The following SEL1L3 variants were observed in gnomAD, a reference collection of about 807,000 sequenced individuals.
SEL1L3 encodes the protein protein sel-1 homolog 3.
In SEL1L3, 76 loss-of-function variants were observed where a neutral mutation model predicts 142.8. The ratio of observed to expected loss-of-function variants is 0.53; its 90% confidence interval spans 0.44 to 0.64. SEL1L3 has a LOEUF of 0.64. Ranked by LOEUF, SEL1L3 falls within the 30% of genes least tolerant of loss-of-function variation. The probability of loss-of-function intolerance (pLI) is 0.00; values close to 1 mark genes in which losing one functional copy is unlikely to be tolerated. For synonymous variants in SEL1L3, 504 were observed against 519.6 expected, an observed-to-expected ratio of 0.97 and a Z score of 0.41; for missense variants, 1,262 against 1,381.7, an observed-to-expected ratio of 0.91 and a Z score of 1.37.
intron 1 of SEL1L3, among the ~76,000 whole-genome samples, chr4:25,858,553 TTTG>T (rs1008097151): frequency 2.6e-5 from 4 of 151,566 alleles, no homozygotes; most frequent in Admixed American, 2.6e-4. Context: ...TTGTTGTTGT[TTTG>T]TTTTTGTTTT....
chr4:25,833,140 G>A (rs1353607294), intron 4 of SEL1L3, 30 bp from the exon 5 acceptor site: 1 of 1,263,728 alleles, frequency 7.9e-7, no homozygotes, highest in Non-Finnish European at 1.2e-6. Context: ...ACATGAAAAT[G>A]AGCAAAAAAT....
chr4:25,760,759 C>G (rs1416347549), intron 20 of SEL1L3, among the ~76,000 whole-genome samples: 1 of 152,152 alleles, frequency 6.6e-6, no homozygotes, highest in Non-Finnish European at 1.5e-5. Flanking sequence ...CATCGTATGT[C>G]GCAATCATGA....
intron 2 of SEL1L3, among the ~76,000 whole-genome samples, 185 bp from the exon 3 acceptor site, chr4:25,835,508 T>C (rs1715763125): frequency 6.6e-6 from 1 of 152,228 alleles, no homozygotes; most frequent in Non-Finnish European, 1.5e-5. Context: ...AGAGACCATG[T>C]CAATTACTTT....
At chr4:25,797,653 G>A (rs941060564) in intron 11 of SEL1L3, among the ~76,000 whole-genome samples, 4 of 152,100 alleles carry the variant, frequency 2.6e-5, no homozygotes, top group African/African-American at 9.7e-5. Flanking sequence ...GGGTCCCCTC[G>A]AAAAGCACCA....
Position 25,831,491 on chromosome 4 carries a change from A to AAAT in SEL1L3, c.1099-1338_1099-1336dup, listed in dbSNP as rs1174295839. On this transcript the variant is annotated intron_variant, in intron 5 of 23. Coordinates refer to ENST00000399878, the MANE Select transcript of SEL1L3 (RefSeq NM_015187.5). The stretch of plus-strand genomic sequence containing the variant: ...AATCATCTGGCAATTAATTATTTTT[A>AAAT]AATAATAATAATAATAATAATTATT... 5.5e-3 allele frequency among the ~76,000 whole-genome samples: 747 copies of AAAT among 134,798 alleles called. 18 individuals are homozygous for AAAT. Among genetic ancestry groups the AAAT allele is most frequent in the Admixed American group, 0.032 (415 of 13,160 alleles). 88.4% of individuals were successfully genotyped at this position (134,798 alleles called of 152,430 possible). A position where few individuals can be genotyped will look rare whatever the true frequency, so the allele number is the denominator to read the frequency against.
intron 1 of SEL1L3, among the ~76,000 whole-genome samples, chr4:25,858,567 TTTTG>T (rs1418951609): frequency 6.6e-6 from 1 of 151,610 alleles, no homozygotes; most frequent in African/African-American, 2.4e-5. Context: ...TTTTTGTTTT[TTTTG>T]ATTTTTTTGT....
At chr4:25,852,840 A>G (rs6853938) in intron 1 of SEL1L3, among the ~76,000 whole-genome samples, 42,078 of 152,078 alleles carry the variant, frequency 0.28, 10,149 homozygotes, top group African/African-American at 0.66. Context: ...AGTAGGGATA[A>G]GGGGTGTCAG....
intron 19 of SEL1L3, among the ~76,000 whole-genome samples, chr4:25,765,774 G>A (rs1032344472): frequency 6.6e-6 from 1 of 152,036 alleles, no homozygotes; most frequent in African/African-American, 2.4e-5. Flanking sequence ...ATGTAGCTGG[G>A]ATTACAGGAG....
intron 13 of SEL1L3, among the ~76,000 whole-genome samples, chr4:25,785,746 A>G (rs1711774173): frequency 6.6e-6 from 1 of 152,182 alleles, no homozygotes; most frequent in Non-Finnish European, 1.5e-5. Flanking sequence ...AGCTTTCTGG[A>G]CTTCTGGAAA....
intron 1 of SEL1L3, among the ~76,000 whole-genome samples, chr4:25,848,322 C>T (rs1716673137): frequency 6.6e-6 from 1 of 152,178 alleles, no homozygotes; most frequent in Admixed American, 6.5e-5. Context: ...AGTGCACCCT[C>T]GAGGGAACAT....
At chr4:25,738,046 C>T in the SEL1L3 span, among the ~76,000 whole-genome samples, 1 of 152,110 alleles carries the variant, frequency 6.6e-6, no homozygotes, top group Admixed American at 6.6e-5. Context: ...CGTGCCGCCA[C>T]ACCTGCCTAA....
rs994894185 is a variant in SEL1L3, at chr4:25,757,883, T to C, written c.3084-93A>G. On this transcript the variant is annotated intron_variant, in intron 21 of 23. Transcript: ENST00000399878. ...TTTCAGATCCACAAACCTACATTCT[T>C]CTGCTTTTGGACAAATGAGCACACT... 11 of 859,296 alleles carry C rather than the reference T, an allele frequency of 1.3e-5. No individual in the cohort carries two copies. In the African/African-American group the frequency reaches 1.8e-4, roughly 14 times the overall value. The allele number at this position is 859,296 out of a possible 1,614,324, so 53.2% of individuals were successfully genotyped here. A position where few individuals can be genotyped will look rare whatever the true frequency, so the allele number is the denominator to read the frequency against.
At chr4:25,735,711 A>AT in the SEL1L3 span, among the ~76,000 whole-genome samples, 5 of 127,874 alleles carry the variant, frequency 3.9e-5, no homozygotes, top group South Asian at 2.4e-4. Context: ...AAAATATTTT[A>AT]TTTTTTTTTC....
intron 16 of SEL1L3, chr4:25,776,640 C>T: frequency 2.9e-6 from 1 of 342,636 alleles, no homozygotes; most frequent in Non-Finnish European, 5.5e-6. Flanking sequence ...AAAATATAAT[C>T]TCTACCAAGA....
intron 15 of SEL1L3, among the ~76,000 whole-genome samples, chr4:25,779,657 T>A (rs751694588): frequency 1.3e-5 from 2 of 152,190 alleles, no homozygotes; most frequent in Non-Finnish European, 2.9e-5. Context: ...CTCACAGATG[T>A]CTTGGGAGGG....
Position 25,862,252 on chromosome 4 carries a change from G to GC in SEL1L3, c.162+422_162+423insG, listed in dbSNP as rs1472780302. 4 of 152,564 alleles carry GC rather than the reference G, an allele frequency of 2.6e-5. No homozygotes were observed. The East Asian group carries it at 7.7e-4, about 29-fold the overall frequency. 9.5% of individuals were successfully genotyped at this position (152,564 alleles called of 1,614,324 possible). ...GCGCCGAGAGTAAGAGGCGAAGTTG[G>GC]GCACGGGAAGGAAAGGAGCTGCGAG... On this transcript the variant is annotated intron_variant, in intron 1 of 23. Coordinates refer to ENST00000399878, the MANE Select transcript of SEL1L3 (RefSeq NM_015187.5).
At chr4:25,801,572 T>C (rs1713185276) in intron 11 of SEL1L3, among the ~76,000 whole-genome samples, 1 of 152,222 alleles carries the variant, frequency 6.6e-6, no homozygotes, top group African/African-American at 2.4e-5. Context: ...TCAGTTGGTG[T>C]AATGTAATAC....
chr4:25,819,686 T>C, intron 8 of SEL1L3, 122 bp downstream of exon 8: 1 of 844,198 alleles, frequency 1.2e-6, no homozygotes, highest in Non-Finnish European at 1.8e-6. Flanking sequence ...GTCACACTTG[T>C]CCCATCTGGT....
chr4:25,828,719 A>T (rs190101279), intron 6 of SEL1L3, among the ~76,000 whole-genome samples: 170 of 152,050 alleles, frequency 1.1e-3, no homozygotes, highest in African/African-American at 3.5e-3. Context: ...TTTAAGTAGC[A>T]TATATGGCCC....
Sources: allele counts gnomAD v4.1 joint callset (sites outside exome capture counted in the v4.1 genomes callset), GRCh38; gene constraint gnomAD v4.1.1; transcripts MANE v1.5; gene names NCBI Gene and HGNC (gene_info 2026-07-23, HGNC 2026-07-21).